The following PRKG1 variants were observed in gnomAD, a reference collection of about 807,000 sequenced individuals.
PRKG1 encodes cGMP-dependent protein kinase 1.
PRKG1 carries 35 observed loss-of-function variants against 88.1 expected under a neutral mutation model. That is an observed-to-expected ratio of 0.40 (90% confidence interval 0.30 to 0.53). The LOEUF is 0.53. Ranked by LOEUF, PRKG1 falls within the 20% of genes least tolerant of loss-of-function variation. The pLI is 0.59. For synonymous variants in PRKG1, 303 were observed against 292.5 expected (o/e 1.04, Z -0.37); for missense variants, 540 against 839.8 (o/e 0.64, Z 4.41).
At position 51,461,614 on chromosome 10, in the gene PRKG1, GAGAGAC is replaced by G. The variant is rs1306935992; in HGVS notation, c.479-6108_479-6103del. ...TCTAGGGGGCAAGAGTTCAGATCCA[GAGAGAC>G]TTTATCTATTCAGATTTGAAAGCAA... On this transcript the variant is annotated intron_variant, in intron 2 of 17. Transcript: ENST00000373980. Among the ~76,000 whole-genome samples the G allele has an allele frequency of 2.0e-5, 3 of 152,152 alleles. No individual in the cohort carries two copies. The East Asian group carries it at 5.8e-4, about 29-fold the overall frequency.
intron 1 of PRKG1, among the ~76,000 whole-genome samples, chr10:51,124,118 A>G (rs1300861489): frequency 6.6e-6 from 1 of 152,162 alleles, no homozygotes; most frequent in African/African-American, 2.4e-5. Context: ...TTTCATCCGC[A>G]TTCCTCAGAG....
chr10:52,117,601 G>A (rs1045384049), intron 7 of PRKG1, among the ~76,000 whole-genome samples: 1 of 151,988 alleles, frequency 6.6e-6, no homozygotes. Flanking sequence ...AATTACTTGT[G>A]AGAGTTAATT....
At chr10:51,697,433 T>C (rs996517803) in intron 3 of PRKG1, 2 of 456,686 alleles carry the variant, frequency 4.4e-6, no homozygotes, top group Non-Finnish European at 7.8e-6. Flanking sequence ...TGCTTATTCT[T>C]TGTAATCTTA....
chr10:51,933,776 T>C (rs1156642233), intron 5 of PRKG1, among the ~76,000 whole-genome samples: 1 of 152,156 alleles, frequency 6.6e-6, no homozygotes, highest in Non-Finnish European at 1.5e-5. Context: ...TTTTAGCTGC[T>C]TAATAACTTT....
At position 51,991,630 on chromosome 10, in the gene PRKG1, G is replaced by A. The variant is rs538802963; in HGVS notation, c.763-62854G>A. On this transcript the variant is annotated intron_variant, in intron 5 of 17. Transcript: ENST00000373980. Reference sequence around the variant, plus strand: ...CCACCTATGAGTGAGAACATGCAGTGTTTGGTTTTTTGTCTTTGCGATAGT... The same window carrying A: ...CCACCTATGAGTGAGAACATGCAGTATTTGGTTTTTTGTCTTTGCGATAGT... 2.6e-4 allele frequency among the ~76,000 whole-genome samples: 40 copies of A among 152,260 alleles called. No homozygotes were observed. In the South Asian group the frequency reaches 7.7e-3, roughly 29 times the overall value.
rs188743256 is a variant in PRKG1, at chr10:51,836,603, C to T, written c.698+31913C>T. On this transcript the variant is annotated intron_variant, in intron 4 of 17. Coordinates refer to ENST00000373980, the MANE Select transcript of PRKG1 (RefSeq NM_006258.4). Reference sequence around the variant, plus strand: ...GTGTATTTTTGCATAAGGAGTGAGACAAAGGTCTATTTTCATTCTTTTGTA... The same window carrying T: ...GTGTATTTTTGCATAAGGAGTGAGATAAAGGTCTATTTTCATTCTTTTGTA... Among the ~76,000 whole-genome samples the T allele has an allele frequency of 2.8e-3, 433 of 152,064 alleles. 5 individuals are homozygous for T. The highest frequency in any genetic ancestry group is 0.01 in the African/African-American group (419 of 41,446).
At chr10:51,104,144 T>C (rs1589154719) in intron 1 of PRKG1, among the ~76,000 whole-genome samples, 1 of 152,168 alleles carries the variant, frequency 6.6e-6, no homozygotes, top group East Asian at 1.9e-4. Context: ...TCTTCTATAG[T>C]AGCAAGTAAA....
chr10:51,912,161 A>C (rs1304921041), intron 5 of PRKG1, among the ~76,000 whole-genome samples: 1 of 152,212 alleles, frequency 6.6e-6, no homozygotes, highest in East Asian at 1.9e-4. Flanking sequence ...AAGGAAGAGC[A>C]GACACACCAT....
At chr10:52,280,697 CA>C in intron 12 of PRKG1, 91 bp from the exon 13 acceptor site, 1 of 1,401,050 alleles carries the variant, frequency 7.1e-7, no homozygotes, top group African/African-American at 1.5e-5. Context: ...TAAATTTTGG[CA>C]AAGGAATATA....
chr10:51,481,581 A>G (rs1840362172), intron 3 of PRKG1, among the ~76,000 whole-genome samples: 1 of 152,154 alleles, frequency 6.6e-6, no homozygotes, highest in Non-Finnish European at 1.5e-5. Context: ...ACATTATTTT[A>G]GTGTACATTA....
chr10:51,699,339 G>A (rs755009737), intron 3 of PRKG1: 1 of 1,614,122 alleles, frequency 6.2e-7, no homozygotes. Context: ...ATGGCACTAA[G>A]CGCGGTCTCC....
Position 52,050,059 on chromosome 10 carries a change from A to G in PRKG1, c.763-4425A>G, listed in dbSNP as rs72634652. ...TGTGTGAGAGAGAGAGAGTGTGTTC[A>G]TGTGTGTGTGGTGGTGGTGGTAAGG... is the stretch of plus-strand genomic sequence containing the variant. On this transcript the variant is annotated intron_variant, in intron 5 of 17. Transcript: ENST00000373980. Among the ~76,000 whole-genome samples the G allele has an allele frequency of 3.3e-3, 324 of 96,976 alleles. No homozygotes were observed. In the East Asian group the frequency reaches 0.051, roughly 15 times the overall value. The allele number at this position is 96,976 out of a possible 152,430, so 63.6% of individuals were successfully genotyped here.
At chr10:51,850,318 G>A (rs143429537) in intron 4 of PRKG1, among the ~76,000 whole-genome samples, 3,651 of 151,928 alleles carry the variant, frequency 0.024, 131 homozygotes, top group African/African-American at 0.074. Context: ...CTGGGATTAC[G>A]GGCACCCACC....
chr10:51,766,012 C>T (rs1457691023), intron 3 of PRKG1, among the ~76,000 whole-genome samples: 1 of 152,076 alleles, frequency 6.6e-6, no homozygotes, highest in Middle Eastern at 3.2e-3. Flanking sequence ...CACTTGCTTG[C>T]TGTGCCCTCA....
chr10:51,142,015 A>G (rs1003835380), intron 1 of PRKG1, among the ~76,000 whole-genome samples: 1 of 152,280 alleles, frequency 6.6e-6, no homozygotes, highest in Admixed American at 6.5e-5. Flanking sequence ...AAATTCAAAT[A>G]CAGATCTCCA....
chr10:51,767,437 G>A (rs893414586), intron 3 of PRKG1, among the ~76,000 whole-genome samples: 9 of 152,112 alleles, frequency 5.9e-5, no homozygotes, highest in Admixed American at 2.0e-4. Context: ...GCTATCTGAT[G>A]ACTGGAAATT....
At chr10:51,924,112 A>C (rs1278700388) in intron 5 of PRKG1, among the ~76,000 whole-genome samples, 1 of 152,132 alleles carries the variant, frequency 6.6e-6, no homozygotes, top group African/African-American at 2.4e-5. Flanking sequence ...GGCATGAGCC[A>C]CCACACCCGG....
intron 2 of PRKG1, among the ~76,000 whole-genome samples, chr10:51,393,000 G>GGGGGC: frequency 3.3e-5 from 5 of 151,432 alleles, no homozygotes; most frequent in African/African-American, 1.2e-4. Context: ...CTGCCGGGCA[G>GGGGGC]AGACACTCCT....
chr10:52,133,184 G>T lies in PRKG1; in HGVS notation c.936-656G>T, dbSNP rs1457834986. 2.6e-5 allele frequency among the ~76,000 whole-genome samples: 4 copies of T among 152,114 alleles called. No individual in the cohort carries two copies. In the East Asian group the frequency reaches 5.8e-4, roughly 22 times the overall value. ...TACTGGATCAAACATAAGATACCAGGATAGATTTTCAAAGGTTTAAGAGAT... is the reference window on the plus strand; with the variant it reads ...TACTGGATCAAACATAAGATACCAGTATAGATTTTCAAAGGTTTAAGAGAT... On this transcript the variant is annotated intron_variant, in intron 7 of 17. Coordinates refer to ENST00000373980, the MANE Select transcript of PRKG1 (RefSeq NM_006258.4).
Sources: allele counts gnomAD v4.1 joint callset (sites outside exome capture counted in the v4.1 genomes callset), GRCh38; gene constraint gnomAD v4.1.1; transcripts MANE v1.5; gene names NCBI Gene and HGNC (gene_info 2026-07-23, HGNC 2026-07-21).